Variants in SCARA5 observed in about 807,000 individuals in gnomAD.
SCARA5 encodes the protein scavenger receptor class A member 5, also known as scavenger receptor class A, member 5 (putative).
A neutral mutation model predicts 46.3 loss-of-function variants in SCARA5; 45 were observed. The ratio of observed to expected loss-of-function variants is 0.97; its 90% CI spans 0.76 to 1.24. The LOEUF is 1.24. Ranked by LOEUF, SCARA5 falls within the 50% of genes most tolerant of loss-of-function variation. SCARA5 has a pLI of 0.00. For synonymous variants in SCARA5, 333 were observed against 306.5 expected, an observed-to-expected ratio of 1.09 and a Z score of -0.90; for missense variants, 680 against 689.0, an observed-to-expected ratio of 0.99 and a Z score of 0.15.
intron 2 of SCARA5, among the ~76,000 whole-genome samples, chr8:27,967,352 A>C (rs1353544314): frequency 6.6e-6 from 1 of 152,188 alleles, no homozygotes; most frequent in Non-Finnish European, 1.5e-5. Context: ...ATCCGGCCCC[A>C]GGACCCAGGT....
At chr8:27,872,873 G>A (rs778468959) in intron 8 of SCARA5, among the ~76,000 whole-genome samples, 2 of 152,164 alleles carry the variant, frequency 1.3e-5, no homozygotes, top group Non-Finnish European at 2.9e-5. Context: ...TTCACCAGGG[G>A]GTTCTTGTTC....
intron 3 of SCARA5, among the ~76,000 whole-genome samples, chr8:27,923,748 G>A (rs1181133728): frequency 1.3e-5 from 2 of 152,050 alleles, no homozygotes; most frequent in South Asian, 2.1e-4. Flanking sequence ...GCTAATTTTT[G>A]TATTTTAATA....
At chr8:27,975,828 C>T (rs1330077394) in intron 2 of SCARA5, among the ~76,000 whole-genome samples, 6 of 152,132 alleles carry the variant, frequency 3.9e-5, no homozygotes, top group African/African-American at 9.7e-5. Flanking sequence ...CCTGGTCTTC[C>T]ACAGGGCCAG....
intron 3 of SCARA5, among the ~76,000 whole-genome samples, chr8:27,933,670 A>T (rs1807812440): frequency 6.6e-6 from 1 of 152,196 alleles, no homozygotes; most frequent in Non-Finnish European, 1.5e-5. Flanking sequence ...AAGTCATAAA[A>T]TGTCCATGTT....
chr8:27,989,290 CA>C (rs1463410689), intron 1 of SCARA5, among the ~76,000 whole-genome samples: 2 of 151,928 alleles, frequency 1.3e-5, no homozygotes, highest in African/African-American at 4.8e-5. Context: ...CACAAGCCAC[CA>C]TGTCCAGCTA....
intron 3 of SCARA5, among the ~76,000 whole-genome samples, chr8:27,928,591 T>G (rs1807717806): frequency 6.6e-6 from 1 of 152,190 alleles, no homozygotes. Flanking sequence ...CTTGCCCCAC[T>G]TTGCCAAACT....
At chr8:27,873,220 C>T (rs531809203) in intron 8 of SCARA5, among the ~76,000 whole-genome samples, 97 of 152,296 alleles carry the variant, frequency 6.4e-4, no homozygotes, top group African/African-American at 2.3e-3. Context: ...CCCACGCCGC[C>T]CCTAATCCCG....
intron 3 of SCARA5, among the ~76,000 whole-genome samples, chr8:27,949,440 G>A (rs1178520159): frequency 6.6e-6 from 1 of 152,248 alleles, no homozygotes; most frequent in African/African-American, 2.4e-5. Flanking sequence ...AGCAGTGGGT[G>A]AGGCTCAAGT....
At chr8:27,910,885 A>G (rs2685352) in intron 4 of SCARA5, among the ~76,000 whole-genome samples, 84,778 of 152,078 alleles carry the variant, frequency 0.56, 24,271 homozygotes, top group Non-Finnish European at 0.63. Flanking sequence ...TCTGTCATAC[A>G]TGATTGGATA....
At chr8:27,921,506 G>C (rs972140266) in intron 4 of SCARA5, 65 bp downstream of exon 4, 1 of 1,380,716 alleles carries the variant, frequency 7.2e-7, no homozygotes, top group African/African-American at 1.5e-5. Context: ...CTTGGGGAGG[G>C]GCGTGCAGGA....
chr8:27,909,694 C>T lies in SCARA5; in HGVS notation c.966G>A (p.Arg322=). ...GDQGDEGKEG[R]PGIPGLPGLR... is the part of the protein sequence containing the mutation. ...GTCCAGGCAATCCAGGGATGCCAGGCCTGCCTTCCTTTCCTTCATCCCCCT... is the reference window on the plus strand; with the variant it reads ...GTCCAGGCAATCCAGGGATGCCAGGTCTGCCTTCCTTTCCTTCATCCCCCT... The change falls in exon 5 of 9, where the codon AGG becomes AGA. Residue 322 remains arginine (R), a synonymous_variant. Transcript: ENST00000354914. 6.4e-7 allele frequency: 1 copy of T among 1,551,472 alleles called. No homozygotes were observed. Among genetic ancestry groups the T allele is most frequent in the Non-Finnish European group, 8.7e-7 (1 of 1,146,886 alleles).
At chr8:27,928,608 AG>A (rs1807718026) in intron 3 of SCARA5, among the ~76,000 whole-genome samples, 3 of 152,138 alleles carry the variant, frequency 2.0e-5, no homozygotes, top group Admixed American at 2.0e-4. Context: ...AACTGCTGAA[AG>A]GGTGGACACG....
intron 7 of SCARA5, among the ~76,000 whole-genome samples, chr8:27,884,829 C>A (rs1256498702): frequency 6.6e-6 from 1 of 152,174 alleles, no homozygotes; most frequent in Non-Finnish European, 1.5e-5. Flanking sequence ...AGCAATACAG[C>A]TAGTCAACAA....
rs537507173 is a variant in SCARA5 at position 27,948,270 on chromosome 8, G to A, written c.241+18144C>T. ...TCCCCAGGGTGAGGGCGGTGACTTA[G>A]GGGAGGGTCTGGCTGCTCCAGGCAA... On this transcript the variant is annotated intron_variant, in intron 3 of 8. Coordinates refer to ENST00000354914, the MANE Select transcript of SCARA5 (RefSeq NM_173833.6). Among the ~76,000 whole-genome samples, 17 of 149,018 alleles carry A rather than the reference G, an allele frequency of 1.1e-4. No individual in the cohort carries two copies. In the East Asian group the frequency reaches 1.7e-3, roughly 15 times the overall value.
intron 7 of SCARA5, among the ~76,000 whole-genome samples, chr8:27,904,132 A>C (rs1105630): frequency 0.55 from 84,283 of 151,920 alleles, 24,070 homozygotes; most frequent in Non-Finnish European, 0.63. Flanking sequence ...GATGCCCATT[A>C]CTAACAGGGT....
intron 3 of SCARA5, among the ~76,000 whole-genome samples, chr8:27,957,661 A>G (rs896955531): frequency 1.3e-5 from 2 of 152,168 alleles, no homozygotes; most frequent in Non-Finnish European, 2.9e-5. Context: ...CAGTCCAGGC[A>G]CCCATTCCCC....
At chr8:27,950,069 G>C (rs1206201178) in intron 3 of SCARA5, among the ~76,000 whole-genome samples, 3 of 152,198 alleles carry the variant, frequency 2.0e-5, no homozygotes, top group African/African-American at 4.8e-5. Flanking sequence ...AAGGGGCTGA[G>C]AGCCTGGAAA....
chr8:27,948,913 A>T (rs1358052946), intron 3 of SCARA5, among the ~76,000 whole-genome samples: 2 of 152,236 alleles, frequency 1.3e-5, no homozygotes, highest in Non-Finnish European at 2.9e-5. Context: ...GTGTATATCG[A>T]TGTGCATAGT....
At chr8:27,975,547 G>A (rs1808509911) in intron 2 of SCARA5, among the ~76,000 whole-genome samples, 2 of 152,150 alleles carry the variant, frequency 1.3e-5, no homozygotes, top group Admixed American at 1.3e-4. Flanking sequence ...CATCGCATCA[G>A]GATTGAATTG....
Sources: gnomAD v4.1 joint callset for allele counts (sites outside exome capture counted in the v4.1 genomes callset) on GRCh38, gnomAD v4.1.1 for gene constraint, MANE v1.5 for transcripts, NCBI Gene and HGNC (gene_info 2026-07-23, HGNC 2026-07-21) for gene names.